The following PPP2R2C variants were observed in gnomAD, a reference collection of about 807,000 sequenced individuals.
The protein encoded by PPP2R2C is protein phosphatase 2, regulatory subunit B, gamma.
PPP2R2C carries 10 observed loss-of-function variants against 45.3 expected under a neutral mutation model. That is an observed-to-expected ratio of 0.22 (90% CI 0.14 to 0.37). The LOEUF (loss-of-function observed/expected upper bound fraction) is 0.37. Among genes scored for constraint, PPP2R2C ranks in the 10% least tolerant of loss-of-function variants. The probability of loss-of-function intolerance (pLI) is 1.00; values close to 1 mark genes in which losing one functional copy is unlikely to be tolerated. For synonymous variants in PPP2R2C, 257 were observed against 245.4 expected, an observed-to-expected ratio of 1.05 and a Z score of -0.44; for missense variants, 308 against 619.7, an observed-to-expected ratio of 0.50 and a Z score of 5.34.
At chr4:6,523,902 GTTTTGTTTTTGT>G (rs996973403) in intron 2 of PPP2R2C, among the ~76,000 whole-genome samples, 5 of 152,056 alleles carry the variant, frequency 3.3e-5, no homozygotes, top group Non-Finnish European at 7.4e-5. Flanking sequence ...AAGGAATGAA[GTTTTGTTTTTGT>G]TTTTGTTTTT....
intron 6 of PPP2R2C, among the ~76,000 whole-genome samples, chr4:6,335,530 G>A (rs1732779340): frequency 6.6e-6 from 1 of 152,142 alleles, no homozygotes; most frequent in African/African-American, 2.4e-5. Context: ...CACGGAGAGG[G>A]GTGAGGAAGT....
At chr4:6,532,587 G>A (rs1577243292) in intron 2 of PPP2R2C, among the ~76,000 whole-genome samples, 1 of 152,290 alleles carries the variant, frequency 6.6e-6, no homozygotes, top group Non-Finnish European at 1.5e-5. Context: ...ATTCCACTCT[G>A]CGTTTTTAAA....
Position 6,472,575 on chromosome 4 carries a change from G to A in PPP2R2C, c.-346C>T, listed in dbSNP as rs1721970080. ...CGACGGCGGCGAGGGGACGCGCGCG[G>A]CGCTGCGCTGCGCCGACCAAGCCGG... On this transcript the variant is annotated 5_prime_UTR_variant, in exon 1 of 9. Transcript: ENST00000382599. The A allele has an allele frequency of 6.8e-6, 1 of 146,318 alleles. No individual in the cohort carries two copies. 9.1% of individuals were successfully genotyped at this position (146,318 alleles called of 1,614,324 possible). A position where few individuals can be genotyped will look rare whatever the true frequency, so the allele number is the denominator to read the frequency against.
At chr4:6,476,931 C>A (rs1015159559), upstream of PPP2R2C, among the ~76,000 whole-genome samples, 1 of 152,120 alleles carries the variant, frequency 6.6e-6, no homozygotes, top group African/African-American at 2.4e-5. Context: ...TAATTATGAA[C>A]AACAATTCTG....
At chr4:6,355,551 C>CAAAA (rs566926127) in intron 5 of PPP2R2C, among the ~76,000 whole-genome samples, 16 of 78,968 alleles carry the variant, frequency 2.0e-4, no homozygotes, top group African/African-American at 6.3e-4. Context: ...ACAGAAAGCA[C>CAAAA]AAAAAAAAAA....
rs571280015 is a variant in PPP2R2C, at chr4:6,330,902, C to G, written c.961-1549G>C. On this transcript the variant is annotated intron_variant, in intron 7 of 8. Coordinates refer to ENST00000382599, the MANE Select transcript of PPP2R2C (RefSeq NM_020416.4). This position sits in a 1 kb window ranked among gnomAD's most constrained non-coding sequence, Gnocchi z 7.0. ...CCCGTGTCCTCCTGGTGACCCTTGC[C>G]TTCCCCTTGGGCCCCTGGGCTGCAG... is the stretch of plus-strand genomic sequence containing the variant. Among the ~76,000 whole-genome samples, 4 of 152,142 alleles carry G rather than the reference C, an allele frequency of 2.6e-5. No homozygotes were observed. The highest frequency in any genetic ancestry group is 7.2e-5 in the African/African-American group (3 of 41,440).
upstream of PPP2R2C, among the ~76,000 whole-genome samples, chr4:6,476,793 A>G (rs1722161195): frequency 6.6e-6 from 1 of 152,124 alleles, no homozygotes. Flanking sequence ...AGAAGCACTC[A>G]TGTTATTTAT....
chr4:6,329,322 G>T lies in PPP2R2C; in HGVS notation c.992C>A (p.Ser331Tyr). ...GAAAATGCAGTCGTTCTCGTACAGG[G>T]AACAGAGCTTGCTCCGAAGGTAGTC... Reference protein sequence around the residue: ...VHDYLRSKLCSLYENDCIFDK... With the variant: ...VHDYLRSKLCYLYENDCIFDK... Residue 331 changes from serine (S) to tyrosine (Y), a missense_variant, in exon 8 of 9, where the codon TCC becomes TAC. Coordinates refer to ENST00000382599, the MANE Select transcript of PPP2R2C (RefSeq NM_020416.4). The surrounding 1 kb of genome is among the most constrained non-coding windows in gnomAD (Gnocchi z 5.8). 6.2e-7 allele frequency: 1 copy of T among 1,614,198 alleles called. No individual in the cohort carries two copies. Among genetic ancestry groups the T allele is most frequent in the Non-Finnish European group, 8.5e-7 (1 of 1,180,016 alleles).
intron 1 of PPP2R2C, among the ~76,000 whole-genome samples, chr4:6,556,945 G>C (rs1034268162): frequency 1.3e-5 from 2 of 152,126 alleles, no homozygotes; most frequent in Non-Finnish European, 2.9e-5. Flanking sequence ...CCTCCTGTGG[G>C]CAAAACCCAC....
chr4:6,371,938 T>C (rs1284481116), intron 5 of PPP2R2C, among the ~76,000 whole-genome samples: 1 of 152,228 alleles, frequency 6.6e-6, no homozygotes, highest in East Asian at 1.9e-4. Context: ...AGGCTGGTGC[T>C]CATGTCATCA....
At chr4:6,384,626 G>A (rs1716093191) in intron 1 of PPP2R2C, 1 of 985,220 alleles carries the variant, frequency 1.0e-6, no homozygotes, top group Non-Finnish European at 1.2e-6. Flanking sequence ...AAATTAAAAT[G>A]CCAATATAAC....
intron 1 of PPP2R2C, among the ~76,000 whole-genome samples, chr4:6,451,487 G>C (rs1364782547): frequency 2.0e-5 from 3 of 152,174 alleles, no homozygotes; most frequent in African/African-American, 7.2e-5. Flanking sequence ...AGGTGGGGCA[G>C]GGGCAGGGAG....
At chr4:6,456,122 C>A (rs1212629406) in intron 1 of PPP2R2C, among the ~76,000 whole-genome samples, 1 of 152,202 alleles carries the variant, frequency 6.6e-6, no homozygotes, top group Admixed American at 6.5e-5. Context: ...ATACCTACAT[C>A]GTGAAGTATT....
intron 6 of PPP2R2C, among the ~76,000 whole-genome samples, chr4:6,337,110 G>GTACATA (rs1207923428): frequency 4.8e-5 from 2 of 41,486 alleles, no homozygotes; most frequent in Non-Finnish European, 8.9e-5. Flanking sequence ...GTATGTGTGT[G>GTACATA]TGTATATATA....
At chr4:6,505,364 T>C (rs1327811108) in intron 2 of PPP2R2C, among the ~76,000 whole-genome samples, 1 of 152,172 alleles carries the variant, frequency 6.6e-6, no homozygotes, top group East Asian at 1.9e-4. Context: ...CTGGAAATGG[T>C]AAACATGTGG....
chr4:6,383,398 A>G (rs1715998099), intron 1 of PPP2R2C: 1 of 1,289,068 alleles, frequency 7.8e-7, no homozygotes, highest in Non-Finnish European at 1.0e-6. Flanking sequence ...AGCAAAAGGT[A>G]CCTCCTCCCC....
At chr4:6,366,913 G>A (rs1207593904) in intron 5 of PPP2R2C, among the ~76,000 whole-genome samples, 2 of 152,214 alleles carry the variant, frequency 1.3e-5, no homozygotes, top group African/African-American at 2.4e-5. Context: ...TTTAAGGGGG[G>A]CTGACATGGT....
intron 1 of PPP2R2C, chr4:6,382,707 ACACACACACC>A (rs1715934760): frequency 3.0e-6 from 1 of 334,082 alleles, no homozygotes; most frequent in South Asian, 3.1e-5. Flanking sequence ...ACACACACAC[ACACACACACC>A]CCACATCCAA....
At chr4:6,408,873 CTTT>C (rs57209185) in intron 1 of PPP2R2C, among the ~76,000 whole-genome samples, 3 of 126,758 alleles carry the variant, frequency 2.4e-5, no homozygotes, top group Non-Finnish European at 3.3e-5. Flanking sequence ...GATCCTGTGG[CTTT>C]TTTTTTTTTT....
Sources: allele counts gnomAD v4.1 joint callset (sites outside exome capture counted in the v4.1 genomes callset), GRCh38; gene constraint gnomAD v4.1.1; non-coding constraint Gnocchi (gnomAD v3.1); transcripts MANE v1.5; gene names NCBI Gene and HGNC (gene_info 2026-07-23, HGNC 2026-07-21).